The following PCSK7 variants were observed in gnomAD, a reference collection of about 807,000 sequenced individuals.
The protein encoded by PCSK7 is lymphoma proprotein convertase.
PCSK7 carries 38 observed loss-of-function variants against 73.3 expected under a neutral mutation model. The observed-to-expected ratio is 0.52, with a 90% confidence interval of 0.40 to 0.68. The LOEUF (loss-of-function observed/expected upper bound fraction) is 0.68, where lower values mean the gene tolerates loss of function less well. Ranked by LOEUF, PCSK7 falls within the 30% of genes least tolerant of loss-of-function variation. The probability of loss-of-function intolerance (pLI) is 0.00; values close to 1 mark genes in which losing one functional copy is unlikely to be tolerated. For synonymous variants in PCSK7, 296 were observed against 383.8 expected, an observed-to-expected ratio of 0.77 and a Z score of 2.68; for missense variants, 692 against 991.5, an observed-to-expected ratio of 0.70 and a Z score of 4.06.
intron 12 of PCSK7, chr11:117,209,691 A>G (rs1230304664): frequency 1.3e-5 from 2 of 153,396 alleles, no homozygotes; most frequent in Non-Finnish European, 2.9e-5. Flanking sequence ...TCTCAAAAGA[A>G]GCATATAGCC....
At chr11:117,217,163 G>A (rs2032016335) in intron 12 of PCSK7, 1 of 152,194 alleles carries the variant, frequency 6.6e-6, no homozygotes, top group Admixed American at 6.5e-5. Flanking sequence ...TGACAAGCAA[G>A]CAGTTGCCAG....
chr11:117,223,581 C>T (rs561577532), intron 8 of PCSK7: 1 of 501,364 alleles, frequency 2.0e-6, no homozygotes, highest in Non-Finnish European at 3.6e-6. Flanking sequence ...CTTATTCATT[C>T]ACATGCTTAC....
In PCSK7 at chr11:117,217,992, A is replaced by AGTGGGGG. The variant is rs1308206417; in HGVS notation, c.1534+473_1534+474insCCCCCAC. On this transcript the variant is annotated intron_variant, in intron 12 of 16. Transcript: ENST00000320934. Reference sequence around the variant, plus strand: ...CACTAAAGCCTAGGAGACTTCTACAAACCCTCTGTCCATCCCCAGCAGACC... The same window carrying AGTGGGGG: ...CACTAAAGCCTAGGAGACTTCTACAAGTGGGGGACCCTCTGTCCATCCCCAGCAGACC... 7.9e-5 allele frequency: 12 copies of AGTGGGGG among 152,552 alleles called. 1 individual carries two copies. The South Asian group carries it at 2.1e-3, about 26-fold the overall frequency. The allele number at this position is 152,552 out of a possible 1,614,324, so 9.4% of individuals were successfully genotyped here. A position where few individuals can be genotyped will look rare whatever the true frequency, so the allele number is the denominator to read the frequency against.
intron 9 of PCSK7, chr11:117,221,660 G>A (rs1335127320): frequency 6.6e-6 from 1 of 152,314 alleles, no homozygotes; most frequent in African/African-American, 2.4e-5. Flanking sequence ...TCAGATGGAA[G>A]AGGGTGGTGA....
intron 4 of PCSK7, among the ~76,000 whole-genome samples, chr11:117,227,606 C>T (rs902852243): frequency 3.9e-5 from 6 of 152,146 alleles, no homozygotes; most frequent in African/African-American, 7.2e-5. Flanking sequence ...CCACACTTGG[C>T]TAATTTTTGT....
intron 9 of PCSK7, chr11:117,219,974 A>G (rs2032130040): frequency 2.4e-6 from 1 of 410,032 alleles, no homozygotes; most frequent in African/African-American, 2.1e-5. Flanking sequence ...AAGAAGCTAG[A>G]GACTGAGTTC....
chr11:117,231,684 T>C (rs1423365698), intron 1 of PCSK7: 1 of 152,280 alleles, frequency 6.6e-6, no homozygotes, highest in Non-Finnish European at 1.5e-5. Flanking sequence ...CAGCTCTTAA[T>C]TGACAAGGAA....
chr11:117,228,568 C>T (rs1299216781), intron 3 of PCSK7, among the ~76,000 whole-genome samples: 5 of 149,520 alleles, frequency 3.3e-5, no homozygotes, highest in East Asian at 3.9e-4. Context: ...ATGGGGGATT[C>T]GGGATAAAAT....
In PCSK7 at chr11:117,229,565, C is replaced by T. The variant is rs866280572; in HGVS notation, c.280G>A (p.Gly94Arg). 1 of 1,613,956 alleles carries T rather than the reference C, an allele frequency of 6.2e-7. No homozygotes were observed. Among genetic ancestry groups the T allele is most frequent in the Non-Finnish European group, 8.5e-7 (1 of 1,180,050 alleles). ...VNAGRIGELQGHYLFVQPAGH... is the reference protein window; with the variant it reads ...VNAGRIGELQRHYLFVQPAGH... ...GCAGGCTGGACAAAGAGGTAGTGCC[C>T]CTGAAGCTCTCCGATGCGTCCAGCA... Residue 94 changes from glycine to arginine, a missense_variant, in exon 3 of 17, where the codon GGG becomes AGG. Coordinates refer to ENST00000320934, the MANE Select transcript of PCSK7 (RefSeq NM_004716.4).
In PCSK7 at chr11:117,218,230, T is replaced by TCTG. The variant is rs2032062192; in HGVS notation, c.1534+233_1534+235dup. 5.3e-6 allele frequency: 1 copy of TCTG among 187,236 alleles called. No homozygotes were observed. The highest frequency in any genetic ancestry group is 2.1e-3 in the Middle Eastern group (1 of 470). 11.6% of individuals were successfully genotyped at this position (187,236 alleles called of 1,614,324 possible). The stretch of plus-strand genomic sequence containing the variant: ...CCCACCCGCCCTCCTCCTCAGTTGC[T>TCTG]CTGCTGCTCCTTTTCACTACTAGGA... On this transcript the variant is annotated intron_variant, in intron 12 of 16. Coordinates refer to ENST00000320934, the MANE Select transcript of PCSK7 (RefSeq NM_004716.4). This position sits in a 1 kb window ranked among gnomAD's most constrained non-coding sequence, Gnocchi z 4.0.
chr11:117,228,345 G>A lies in PCSK7; in HGVS notation c.474C>T (p.Asn158=), dbSNP rs755296131. The change falls in exon 4 of 17, where the codon AAC becomes AAT. Residue 158 remains asparagine, a synonymous_variant. Transcript: ENST00000320934. Reference sequence around the variant, plus strand: ...TGATGTCCCTGCCCGGGCTCCGTCGGTTATTCTGTAAGAGAGACAGGATGG... The same window carrying A: ...TGATGTCCCTGCCCGGGCTCCGTCGATTATTCTGTAAGAGAGACAGGATGG... ...PKYPQQWHLN[N]RRSPGRDINV... The A allele has an allele frequency of 1.2e-6, 2 of 1,613,968 alleles. No individual in the cohort carries two copies. The highest frequency in any genetic ancestry group is 1.1e-5 in the South Asian group (1 of 91,076).
In PCSK7 at chr11:117,204,737, G is replaced by A. The variant is rs1565296643; in HGVS notation, c.*1260C>T. 7.1e-6 allele frequency: 2 copies of A among 280,962 alleles called. No individual in the cohort carries two copies. The highest frequency in any genetic ancestry group is 1.4e-5 in the Non-Finnish European group (2 of 145,764). 17.4% of individuals were successfully genotyped at this position (280,962 alleles called of 1,614,324 possible). ...CCCAGCCTGCCCCCTATCTTGTCCT[G>A]GAATATTTTTGGGGTTGGAACTCAA... is the stretch of plus-strand genomic sequence containing the variant. On this transcript the variant is annotated 3_prime_UTR_variant, in exon 17 of 17. Transcript: ENST00000320934.
At position 117,204,804 on chromosome 11, in the gene PCSK7, C is replaced by A. The variant is rs548150416; in HGVS notation, c.*1193G>T. On this transcript the variant is annotated 3_prime_UTR_variant, in exon 17 of 17. Coordinates refer to ENST00000320934, the MANE Select transcript of PCSK7 (RefSeq NM_004716.4). ...TCAATCTTTTCTCAGGCCTGGCTGG[C>A]AGAGTTTGATTTGCCCTGGTCACTT... 14 of 306,892 alleles carry A rather than the reference C, an allele frequency of 4.6e-5. No individual in the cohort carries two copies. The highest frequency in any genetic ancestry group is 7.0e-5 in the Non-Finnish European group (11 of 156,742). The allele number at this position is 306,892 out of a possible 1,614,324, so 19.0% of individuals were successfully genotyped here.
At chr11:117,224,637 A>C in intron 7 of PCSK7, 64 bp downstream of exon 7, 7 of 1,289,318 alleles carry the variant, frequency 5.4e-6, no homozygotes, top group Non-Finnish European at 6.8e-6. Flanking sequence ...AACTTGCAGC[A>C]GTTCTCCCGG....
intron 12 of PCSK7, chr11:117,211,175 T>C (rs2031715769): frequency 6.6e-6 from 1 of 152,276 alleles, no homozygotes; most frequent in Non-Finnish European, 1.5e-5. Flanking sequence ...AGCGGCTAGA[T>C]GCTTGGCTCA....
At chr11:117,215,770 T>G (rs1216580848) in intron 12 of PCSK7, 1 of 151,486 alleles carries the variant, frequency 6.6e-6, no homozygotes, top group Non-Finnish European at 1.5e-5. Flanking sequence ...AGGCTGGTCT[T>G]GAACTCCTGA....
Position 117,228,304 on chromosome 11 carries a change from C to A in PCSK7, c.515G>T (p.Trp172Leu). ...PGRDINVTGV[W>L]ERNVTGRGVT... The stretch of plus-strand genomic sequence containing the variant: ...CCCTCGCCCAGTCACATTGCGTTCC[C>A]ACACACCCGTCACGTTGATGTCCCT... Residue 172 changes from tryptophan to leucine, a missense_variant, in exon 4 of 17, where the codon TGG (tryptophan) becomes TTG (leucine). Physicochemically the swap from Trp to Leu is moderately conservative, Grantham distance 61. Coordinates refer to ENST00000320934, the MANE Select transcript of PCSK7 (RefSeq NM_004716.4). 6.2e-7 allele frequency: 1 copy of A among 1,614,014 alleles called. No homozygotes were observed. The highest frequency in any genetic ancestry group is 8.5e-7 in the Non-Finnish European group (1 of 1,179,904).
chr11:117,230,073 G>A (rs981038437), intron 2 of PCSK7: 5 of 484,798 alleles, frequency 1.0e-5, no homozygotes, highest in East Asian at 3.3e-5. Flanking sequence ...TAACACCAGC[G>A]GATGGCCTCC....
At chr11:117,224,366 C>T in intron 7 of PCSK7, 150 bp from the exon 8 acceptor site, 1 of 773,692 alleles carries the variant, frequency 1.3e-6, no homozygotes, top group South Asian at 1.8e-5. Flanking sequence ...AAGATGGACC[C>T]CGCATGTGAG....
Sources: gnomAD v4.1 joint callset for allele counts (sites outside exome capture counted in the v4.1 genomes callset) on GRCh38, gnomAD v4.1.1 for gene constraint, Gnocchi (gnomAD v3.1) non-coding constraint, MANE v1.5 for transcripts, NCBI Gene and HGNC (gene_info 2026-07-23, HGNC 2026-07-21) for gene names.